KCNK12: variants seen among roughly 807,000 people sequenced by gnomAD.
The protein encoded by KCNK12 is potassium channel subfamily K member 12.
Under a neutral mutation model 25.3 loss-of-function variants are expected in KCNK12, and 6 were observed. The observed-to-expected ratio is 0.24, with a 90% CI of 0.13 to 0.47. KCNK12 has a LOEUF of 0.47. KCNK12 is among the 20% of genes least tolerant of loss of function. KCNK12 has a pLI of 0.99. For missense variants in KCNK12, 444 were observed against 661.7 expected (o/e 0.67, Z 3.61); for synonymous variants, 331 against 311.1 (o/e 1.06, Z -0.67).
chr2:47,552,033 T>A (rs944506330), intron 1 of KCNK12, among the ~76,000 whole-genome samples: 6 of 152,032 alleles, frequency 3.9e-5, no homozygotes, highest in Non-Finnish European at 7.4e-5. Flanking sequence ...GGGGGGAAGG[T>A]CAGGAACTGA....
In KCNK12 at chr2:47,510,415, G is replaced by C. The variant is rs184907194; in HGVS notation, c.*10492C>G. The C allele has an allele frequency of 6.6e-6, 1 of 152,160 alleles. No homozygotes were observed. The highest frequency in any genetic ancestry group is 1.5e-5 in the Non-Finnish European group (1 of 68,026). 9.4% of individuals were successfully genotyped at this position (152,160 alleles called of 1,614,324 possible). A position where few individuals can be genotyped will look rare whatever the true frequency, so the allele number is the denominator to read the frequency against. ...GTTGAATGCTTTCATAACTGATACA[G>C]GAGGGACCCTGTGATTGGCAGTTCC... is the stretch of plus-strand genomic sequence containing the variant. On this transcript the variant is annotated 3_prime_UTR_variant, in exon 2 of 2. Transcript: ENST00000327876.
rs1424831866 is a variant in KCNK12 at position 47,570,487 on chromosome 2, G to A, written c.-156C>T. ...CAGAGCCCCTCGTCGCCTTCCCAGA[G>A]CCCGGACAGAGGGGCGCCTCCGCCT... On this transcript the variant is annotated 5_prime_UTR_variant, in exon 1 of 2. Coordinates refer to ENST00000327876, the MANE Select transcript of KCNK12 (RefSeq NM_022055.2). 2 of 772,094 alleles carry A rather than the reference G, an allele frequency of 2.6e-6. No individual in the cohort carries two copies. Among genetic ancestry groups the A allele is most frequent in the Non-Finnish European group, 3.4e-6 (2 of 583,158 alleles). The allele number at this position is 772,094 out of a possible 1,614,324, so 47.8% of individuals were successfully genotyped here.
At position 47,547,426 on chromosome 2, in the gene KCNK12, C is replaced by G. The variant is rs1669336775; in HGVS notation, c.391+22515G>C. Reference sequence around the variant, plus strand: ...AATATGCAGCCAGGGTTGAGAACCACTCTCCTAGGTGATCTTTTCTTTTTC... The same window carrying G: ...AATATGCAGCCAGGGTTGAGAACCAGTCTCCTAGGTGATCTTTTCTTTTTC... On this transcript the variant is annotated intron_variant, in intron 1 of 1. Coordinates refer to ENST00000327876, the MANE Select transcript of KCNK12 (RefSeq NM_022055.2). This position sits in a 1 kb window ranked among gnomAD's most constrained non-coding sequence, Gnocchi z 5.0. 6.6e-6 allele frequency among the ~76,000 whole-genome samples: 1 copy of G among 152,164 alleles called. No homozygotes were observed. Among genetic ancestry groups the G allele is most frequent in the Non-Finnish European group, 1.5e-5 (1 of 68,034 alleles).
chr2:47,516,777 G>GGGGAAGCTTCCTTA lies in KCNK12; in HGVS notation c.*4129_*4130insTAAGGAAGCTTCCC, dbSNP rs1269018123. 6.6e-6 allele frequency: 1 copy of GGGGAAGCTTCCTTA among 152,308 alleles called. No homozygotes were observed. The highest frequency in any genetic ancestry group is 1.5e-5 in the Non-Finnish European group (1 of 68,122). 9.4% of individuals were successfully genotyped at this position (152,308 alleles called of 1,614,324 possible). A position where few individuals can be genotyped will look rare whatever the true frequency, so the allele number is the denominator to read the frequency against. ...GAGCTTCCTTAGGGAAGAAGGGGAA[G>GGGGAAGCTTCCTTA]GGGAAGAGGGTTTGGGGCCAGGTCC... On this transcript the variant is annotated 3_prime_UTR_variant, in exon 2 of 2. Coordinates refer to ENST00000327876, the MANE Select transcript of KCNK12 (RefSeq NM_022055.2).
Position 47,512,436 on chromosome 2 carries a change from C to A in KCNK12, c.*8471G>T. 2 of 1,599,626 alleles carry A rather than the reference C, an allele frequency of 1.3e-6. No individual in the cohort carries two copies. The highest frequency in any genetic ancestry group is 1.7e-6 in the Non-Finnish European group (2 of 1,173,950). ...CAGGGCAGTGGTGAGCTCTCATGAC[C>A]TGGTGTCTGTTGCCTTCTGGTTAAG... On this transcript the variant is annotated 3_prime_UTR_variant, in exon 2 of 2. Coordinates refer to ENST00000327876, the MANE Select transcript of KCNK12 (RefSeq NM_022055.2).
rs549800330 is a variant in KCNK12, at chr2:47,511,709, G to A, written c.*9198C>T. Among the ~76,000 whole-genome samples, 4 of 152,292 alleles carry A rather than the reference G, an allele frequency of 2.6e-5. No individual in the cohort carries two copies. The South Asian group carries it at 8.3e-4, about 32-fold the overall frequency. On this transcript the variant is annotated 3_prime_UTR_variant, in exon 2 of 2. Coordinates refer to ENST00000327876, the MANE Select transcript of KCNK12 (RefSeq NM_022055.2). The surrounding 1 kb of genome is among the most constrained non-coding windows in gnomAD (Gnocchi z 4.3). The stretch of plus-strand genomic sequence containing the variant: ...ACAGTGGGGCATGATGGTTGGGGAA[G>A]GCCTTTTACTTCTGCCCCTTAAGGA...
In KCNK12 at chr2:47,547,430, C is replaced by T. The variant is rs924542536; in HGVS notation, c.391+22511G>A. 2.0e-5 allele frequency among the ~76,000 whole-genome samples: 3 copies of T among 152,108 alleles called. No individual in the cohort carries two copies. Among genetic ancestry groups the T allele is most frequent in the African/African-American group, 7.2e-5 (3 of 41,424 alleles). On this transcript the variant is annotated intron_variant, in intron 1 of 1. Transcript: ENST00000327876. The surrounding 1 kb of genome is among the most constrained non-coding windows in gnomAD (Gnocchi z 5.0). Reference sequence around the variant, plus strand: ...TGCAGCCAGGGTTGAGAACCACTCTCCTAGGTGATCTTTTCTTTTTCTTTT... The same window carrying T: ...TGCAGCCAGGGTTGAGAACCACTCTTCTAGGTGATCTTTTCTTTTTCTTTT...
intron 1 of KCNK12, among the ~76,000 whole-genome samples, chr2:47,545,311 T>A (rs1250000478): frequency 2.0e-5 from 3 of 152,082 alleles, no homozygotes; most frequent in African/African-American, 7.2e-5. Flanking sequence ...CAGTTCAGGG[T>A]CTTGCTGACT....
rs1669871986 is a variant in KCNK12 at position 47,570,567 on chromosome 2, A to G, written c.-236T>C. 3.2e-6 allele frequency: 1 copy of G among 310,190 alleles called. No homozygotes were observed. The highest frequency in any genetic ancestry group is 5.7e-6 in the Non-Finnish European group (1 of 174,746). 19.2% of individuals were successfully genotyped at this position (310,190 alleles called of 1,614,324 possible). ...CCCGTGGCCCAGCGGGTGCCCGGGC[A>G]GGGGCGCTCCTCTGCGCGCCCCGAC... On this transcript the variant is annotated 5_prime_UTR_variant, in exon 1 of 2. Coordinates refer to ENST00000327876, the MANE Select transcript of KCNK12 (RefSeq NM_022055.2).
intron 1 of KCNK12, among the ~76,000 whole-genome samples, chr2:47,559,335 G>C (rs1277676124): frequency 6.6e-6 from 1 of 152,192 alleles, no homozygotes; most frequent in Non-Finnish European, 1.5e-5. Flanking sequence ...TGTAGGAGTG[G>C]GGAGCCCAGC....
Position 47,570,523 on chromosome 2 carries a change from G to C in KCNK12, c.-192C>G. On this transcript the variant is annotated 5_prime_UTR_variant, in exon 1 of 2. Coordinates refer to ENST00000327876, the MANE Select transcript of KCNK12 (RefSeq NM_022055.2). ...GGGGCGCCTCCGCCTCCTCCCCGGCGCTCAGGCCACACGCGAGTCCCGTGG... is the reference window on the plus strand; with the variant it reads ...GGGGCGCCTCCGCCTCCTCCCCGGCCCTCAGGCCACACGCGAGTCCCGTGG... The C allele has an allele frequency of 4.2e-6, 2 of 480,946 alleles. No individual in the cohort carries two copies. Among genetic ancestry groups the C allele is most frequent in the Non-Finnish European group, 6.2e-6 (2 of 320,636 alleles). 29.8% of individuals were successfully genotyped at this position (480,946 alleles called of 1,614,324 possible).
rs1413678735 is a variant in KCNK12 at position 47,533,611 on chromosome 2, C to T, written c.392-11803G>A. Reference sequence around the variant, plus strand: ...CTACCTCGCTGGGCCTCCATCTCCCCACCTCTGGCTCACTTCCTGCTTTGG... The same window carrying T: ...CTACCTCGCTGGGCCTCCATCTCCCTACCTCTGGCTCACTTCCTGCTTTGG... On this transcript the variant is annotated intron_variant, in intron 1 of 1. Transcript: ENST00000327876. This position sits in a 1 kb window ranked among gnomAD's most constrained non-coding sequence, Gnocchi z 4.7. Among the ~76,000 whole-genome samples, 1 of 152,236 alleles carries T rather than the reference C, an allele frequency of 6.6e-6. No individual in the cohort carries two copies. The highest frequency in any genetic ancestry group is 1.5e-5 in the Non-Finnish European group (1 of 68,034).
At chr2:47,535,753 G>A (rs910590516) in intron 1 of KCNK12, among the ~76,000 whole-genome samples, 5 of 152,076 alleles carry the variant, frequency 3.3e-5, no homozygotes, top group South Asian at 4.1e-4. Context: ...CTCAGCCTTA[G>A]GTTCAGAGAA....
Position 47,517,831 on chromosome 2 carries a change from C to G in KCNK12, c.*3076G>C, listed in dbSNP as rs985512554. The stretch of plus-strand genomic sequence containing the variant: ...GCTGCTAGCCAAGACTCTGGATTCT[C>G]TGTGGCCACAGTCATATGGTGAGGG... On this transcript the variant is annotated 3_prime_UTR_variant, in exon 2 of 2. Transcript: ENST00000327876. This position sits in a 1 kb window ranked among gnomAD's most constrained non-coding sequence, Gnocchi z 4.1. 1 of 152,202 alleles carries G rather than the reference C, an allele frequency of 6.6e-6. No individual in the cohort carries two copies. The highest frequency in any genetic ancestry group is 2.4e-5 in the African/African-American group (1 of 41,460). The allele number at this position is 152,202 out of a possible 1,614,324, so 9.4% of individuals were successfully genotyped here.
Position 47,544,043 on chromosome 2 carries a change from G to GGCC in KCNK12, c.392-22238_392-22236dup, listed in dbSNP as rs769707426. Among the ~76,000 whole-genome samples, 5 of 152,164 alleles carry GGCC rather than the reference G, an allele frequency of 3.3e-5. No homozygotes were observed. In the East Asian group the frequency reaches 5.8e-4, roughly 18 times the overall value. On this transcript the variant is annotated intron_variant, in intron 1 of 1. Coordinates refer to ENST00000327876, the MANE Select transcript of KCNK12 (RefSeq NM_022055.2). ...CCCTCCACTCTTGGTGGCTTCCAAAGGCCAACATTCTAGAAAGCCAACCAC... is the reference window on the plus strand; with the variant it reads ...CCCTCCACTCTTGGTGGCTTCCAAAGGCCGCCAACATTCTAGAAAGCCAACCAC...
chr2:47,519,367 C>G lies in KCNK12; in HGVS notation c.*1540G>C, dbSNP rs1394171733. The G allele has an allele frequency of 6.6e-6, 1 of 152,226 alleles. No homozygotes were observed. Among genetic ancestry groups the G allele is most frequent in the Admixed American group, 6.5e-5 (1 of 15,278 alleles). 9.4% of individuals were successfully genotyped at this position (152,226 alleles called of 1,614,324 possible). ...GGGAGAGAGATTTCACAGCATGGCT[C>G]CAGCTGGAGGCGGTGAGGCGGTGCT... On this transcript the variant is annotated 3_prime_UTR_variant, in exon 2 of 2. Transcript: ENST00000327876.
intron 1 of KCNK12, among the ~76,000 whole-genome samples, chr2:47,537,833 T>C (rs1669109319): frequency 1.3e-5 from 2 of 152,128 alleles, no homozygotes; most frequent in African/African-American, 4.8e-5. Flanking sequence ...GTAAGGGAGA[T>C]GTCAGGGGAT....
At position 47,514,972 on chromosome 2, in the gene KCNK12, A is replaced by G. The variant is rs560287487; in HGVS notation, c.*5935T>C. 1.3e-5 allele frequency among the ~76,000 whole-genome samples: 2 copies of G among 152,170 alleles called. No individual in the cohort carries two copies. The highest frequency in any genetic ancestry group is 2.9e-5 in the Non-Finnish European group (2 of 68,022). ...CTCATAGAAAGGTAACTGGCCACAG[A>G]AGGGAGAGGAATGGCAGTCCATCCA... On this transcript the variant is annotated 3_prime_UTR_variant, in exon 2 of 2. Transcript: ENST00000327876. This position sits in a 1 kb window ranked among gnomAD's most constrained non-coding sequence, Gnocchi z 5.0.
At chr2:47,552,585 T>C (rs1046139683) in intron 1 of KCNK12, among the ~76,000 whole-genome samples, 6 of 152,082 alleles carry the variant, frequency 3.9e-5, no homozygotes, top group Non-Finnish European at 8.8e-5. Flanking sequence ...CTGGCCAACA[T>C]GGTGAAACCC....
Sources: gnomAD v4.1 joint callset for allele counts (sites outside exome capture counted in the v4.1 genomes callset) on GRCh38, gnomAD v4.1.1 for gene constraint, Gnocchi (gnomAD v3.1) non-coding constraint, MANE v1.5 for transcripts, NCBI Gene and HGNC (gene_info 2026-07-23, HGNC 2026-07-21) for gene names.